Variants in DNAH12 observed in about 807,000 individuals in gnomAD.
The protein encoded by DNAH12 is dynein axonemal heavy chain 12.
Under a neutral mutation model 371.5 loss-of-function variants are expected in DNAH12, and 285 were observed. The observed-to-expected ratio is 0.77, with a 90% CI of 0.70 to 0.85. DNAH12 has a LOEUF of 0.85. Ranked by LOEUF, DNAH12 falls within the 40% of genes least tolerant of loss-of-function variation. The probability of loss-of-function intolerance (pLI) is 0.00; values close to 1 mark genes in which losing one functional copy is unlikely to be tolerated. For missense variants in DNAH12, 3,611 were observed against 3,689.4 expected (o/e 0.98, Z 0.55); for synonymous variants, 1,200 against 1,213.0 (o/e 0.99, Z 0.22).
At chr3:57,401,780 A>C (rs936929635) in intron 43 of DNAH12, among the ~76,000 whole-genome samples, 2 of 152,098 alleles carry the variant, frequency 1.3e-5, no homozygotes, top group African/African-American at 4.8e-5. Context: ...CAAATAACAA[A>C]AATCAGAAAT....
At chr3:57,505,337 T>G (rs2067715019) in intron 8 of DNAH12, among the ~76,000 whole-genome samples, 1 of 150,582 alleles carries the variant, frequency 6.6e-6, no homozygotes, top group Non-Finnish European at 1.5e-5. Context: ...TTTTAATTTT[T>G]AGCTCCCACA....
chr3:57,437,207 C>A, intron 29 of DNAH12, 147 bp from the exon 30 acceptor site: 1 of 632,450 alleles, frequency 1.6e-6, no homozygotes, highest in South Asian at 2.2e-5. Context: ...TTTTTCAAAT[C>A]AAGAGGAGAA....
chr3:57,403,535 C>A, intron 42 of DNAH12, 34 bp from the exon 43 acceptor site: 2 of 1,509,674 alleles, frequency 1.3e-6, no homozygotes, highest in Non-Finnish European at 1.8e-6. Flanking sequence ...TAATGCATTA[C>A]AATATAAATG....
rs1016908728 is a variant in DNAH12, at chr3:57,355,167, G to A, written c.9533+2009C>T. 1.5e-4 allele frequency among the ~76,000 whole-genome samples: 23 copies of A among 151,906 alleles called. 1 individual carries two copies. The East Asian group carries it at 4.5e-3, about 29-fold the overall frequency. On this transcript the variant is annotated intron_variant, in intron 59 of 73. Coordinates refer to ENST00000495027, the MANE Select transcript of DNAH12 (RefSeq NM_001366028.2). ...GAGATCTTTATTATTTCTCATAATTGCATGTGAATCTACACTTAACTCAAA... is the reference window on the plus strand; with the variant it reads ...GAGATCTTTATTATTTCTCATAATTACATGTGAATCTACACTTAACTCAAA...
chr3:57,496,378 A>C (rs1459901744), intron 11 of DNAH12, among the ~76,000 whole-genome samples: 1 of 152,184 alleles, frequency 6.6e-6, no homozygotes, highest in African/African-American at 2.4e-5. Flanking sequence ...TTTGAACATC[A>C]ATAAATATAA....
chr3:57,508,190 A>G (rs2067838867), intron 7 of DNAH12, among the ~76,000 whole-genome samples, 192 bp downstream of exon 7: 2 of 106,778 alleles, frequency 1.9e-5, no homozygotes, highest in African/African-American at 5.9e-5. Context: ...CCATCACGGG[A>G]AAAAAAAAAC....
intron 37 of DNAH12, among the ~76,000 whole-genome samples, chr3:57,418,457 T>C (rs1343432189): frequency 6.9e-6 from 1 of 145,936 alleles, no homozygotes; most frequent in African/African-American, 2.5e-5. Context: ...GGAGGATCGC[T>C]AGAGCCTGGG....
Position 57,508,216 on chromosome 3 carries a change from C to A in DNAH12, c.701+166G>T, listed in dbSNP as rs28396727. On this transcript the variant is annotated intron_variant, in intron 7 of 73. Coordinates refer to ENST00000495027, the MANE Select transcript of DNAH12 (RefSeq NM_001366028.2). ...AAAAAAAAACAAAAAAAAAAAAAAC[C>A]AAAAAAAACCCACACAATTGTTGAA... Among the ~76,000 whole-genome samples the A allele has an allele frequency of 5.5e-3, 772 of 140,360 alleles. 19 individuals carry two copies. Among genetic ancestry groups the A allele is most frequent in the Admixed American group, 0.043 (607 of 14,188 alleles). The allele number at this position is 140,360 out of a possible 152,430, so 92.1% of individuals were successfully genotyped here. A position where few individuals can be genotyped will look rare whatever the true frequency, so the allele number is the denominator to read the frequency against.
Position 57,507,778 on chromosome 3 carries a change from G to T in DNAH12, c.762C>A (p.Asn254Lys), listed in dbSNP as rs376621969. Residue 254 changes from asparagine to lysine, a missense_variant, in exon 8 of 74, where the codon AAC (asparagine) becomes AAA (lysine). By Grantham distance (94) the Asn-to-Lys change is moderately conservative. Coordinates refer to ENST00000495027, the MANE Select transcript of DNAH12 (RefSeq NM_001366028.2). ...LKTDLSIQTR[N>K]AEEKIMNTWY... Reference sequence around the variant, plus strand: ...ATGTATTCATTATCTTCTCTTCTGCGTTTCTAGTTTGTATTGATAGATCAG... The same window carrying T: ...ATGTATTCATTATCTTCTCTTCTGCTTTTCTAGTTTGTATTGATAGATCAG... 1 of 1,607,252 alleles carries T rather than the reference G, an allele frequency of 6.2e-7. No individual in the cohort carries two copies. Among genetic ancestry groups the T allele is most frequent in the Non-Finnish European group, 8.5e-7 (1 of 1,178,912 alleles).
intron 4 of DNAH12, 83 bp downstream of exon 4, chr3:57,523,500 T>G (rs1364945356): frequency 9.1e-5 from 104 of 1,144,396 alleles, no homozygotes; most frequent in Non-Finnish European, 1.3e-4. Flanking sequence ...AGAATGGGAC[T>G]TAGCAGGTGG....
chr3:57,383,178 T>C (rs2063431316), intron 49 of DNAH12, among the ~76,000 whole-genome samples: 1 of 152,220 alleles, frequency 6.6e-6, no homozygotes, highest in Non-Finnish European at 1.5e-5. Flanking sequence ...AAGCTCAGCC[T>C]GGGATCTGAT....
chr3:57,408,498 C>G lies in DNAH12; in HGVS notation c.6058G>C (p.Asp2020His). ...CCCATTGCAGCAATCAGCTCTATGT[C>G]CACCAGCGTGATTTTACTTGTGTCC... is the stretch of plus-strand genomic sequence containing the variant. ...LKDTSKITLV[D>H]IELIAAMGPP... Residue 2020 changes from aspartate (D) to histidine (H), a missense_variant, in exon 40 of 74, where the codon GAC becomes CAC. Asp to His is a moderately conservative substitution (Grantham distance 81). Transcript: ENST00000495027. 1 of 1,549,620 alleles carries G rather than the reference C, an allele frequency of 6.5e-7. No homozygotes were observed. The highest frequency in any genetic ancestry group is 8.7e-7 in the Non-Finnish European group (1 of 1,146,154).
intron 62 of DNAH12, among the ~76,000 whole-genome samples, chr3:57,324,600 C>A (rs1418776854): frequency 6.6e-6 from 1 of 152,090 alleles, no homozygotes; most frequent in East Asian, 1.9e-4. Flanking sequence ...GCCAAGATGG[C>A]CGAATAGGAA....
intron 60 of DNAH12, among the ~76,000 whole-genome samples, chr3:57,350,522 A>T (rs2062647641): frequency 6.6e-6 from 1 of 152,012 alleles, no homozygotes; most frequent in Non-Finnish European, 1.5e-5. Context: ...ACACACACAC[A>T]TCAGTTGCAT....
At chr3:57,542,168 G>T (rs971070772) in intron 2 of DNAH12, among the ~76,000 whole-genome samples, 34 of 116,878 alleles carry the variant, frequency 2.9e-4, no homozygotes, top group African/African-American at 1.1e-3. Flanking sequence ...GGGGGGGGGG[G>T]GCGGTGAGTA....
intron 72 of DNAH12, among the ~76,000 whole-genome samples, chr3:57,295,818 A>G (rs988159851): frequency 1.3e-5 from 2 of 152,202 alleles, no homozygotes; most frequent in Non-Finnish European, 2.9e-5. Flanking sequence ...ATGTCTGCCA[A>G]TTTTTAATGA....
At chr3:57,508,196 A>G (rs564934968) in intron 7 of DNAH12, among the ~76,000 whole-genome samples, 186 bp downstream of exon 7, 2 of 105,118 alleles carry the variant, frequency 1.9e-5, no homozygotes, top group Admixed American at 2.0e-4. Flanking sequence ...CGGGAAAAAA[A>G]AAACAAAAAA....
intron 51 of DNAH12, among the ~76,000 whole-genome samples, chr3:57,380,053 C>G (rs2063357085): frequency 2.0e-5 from 3 of 151,938 alleles, no homozygotes; most frequent in Non-Finnish European, 4.4e-5. Flanking sequence ...CAATTATACA[C>G]TAAAAGAGTA....
chr3:57,461,653 C>T lies in DNAH12; in HGVS notation c.2572G>A (p.Gly858Arg). ...TGAAAAGCAATATCTTCCCAAGTTC[C>T]TATCATTGTATTCATGGCTTTCTCT... ...SLEKAMNTMIGTWEDIAFHIS... is the reference protein window; with the variant it reads ...SLEKAMNTMIRTWEDIAFHIS... Residue 858 changes from glycine (G) to arginine (R), a missense_variant, in exon 19 of 74, where the codon GGA becomes AGA. Physicochemically the swap from Gly to Arg is moderately radical, Grantham distance 125. Around this residue, in one of 3 missense-constraint regions of DNAH12, gnomAD observed 1,314 missense variants for 1,398.7 expected, o/e 0.94. Coordinates refer to ENST00000495027, the MANE Select transcript of DNAH12 (RefSeq NM_001366028.2). 1 of 1,551,070 alleles carries T rather than the reference C, an allele frequency of 6.4e-7. No homozygotes were observed. Among genetic ancestry groups the T allele is most frequent in the Non-Finnish European group, 8.7e-7 (1 of 1,146,806 alleles).
Sources: allele counts gnomAD v4.1 joint callset (sites outside exome capture counted in the v4.1 genomes callset), GRCh38; gene constraint gnomAD v4.1.1; regional missense constraint gnomAD v4.1.1; transcripts MANE v1.5; gene names NCBI Gene and HGNC (gene_info 2026-07-23, HGNC 2026-07-21).